The following ANKRD30A variants were observed in gnomAD, a reference collection of about 807,000 sequenced individuals.
The protein encoded by ANKRD30A is ankyrin repeat domain 30A, also known as ankyrin repeat domain-containing protein 30A.
A neutral mutation model predicts 166.3 loss-of-function variants in ANKRD30A; 170 were observed. The ratio of observed to expected loss-of-function variants is 1.02; its 90% confidence interval spans 0.90 to 1.16. The LOEUF (loss-of-function observed/expected upper bound fraction) is 1.16. Ranked by LOEUF, ANKRD30A falls within the 50% of genes most tolerant of loss-of-function variation. The pLI is 0.00. For synonymous variants in ANKRD30A, 564 were observed against 508.9 expected (o/e 1.11, Z -1.46); for missense variants, 1,630 against 1,518.0 (o/e 1.07, Z -1.23).
At position 37,152,137 on chromosome 10, in the gene ANKRD30A, G is replaced by T; in HGVS notation, c.1707+16G>T. 1.3e-6 allele frequency: 2 copies of T among 1,583,772 alleles called. No individual in the cohort carries two copies. The highest frequency in any genetic ancestry group is 1.7e-6 in the Non-Finnish European group (2 of 1,156,566). ...GGATTCTGAGGTACTATGTGTTATTGATTTTTTTTTAATATTAGTATTGCA... is the reference window on the plus strand; with the variant it reads ...GGATTCTGAGGTACTATGTGTTATTTATTTTTTTTTAATATTAGTATTGCA... On this transcript the variant is annotated intron_variant, in intron 12 of 35. Transcript: ENST00000361713.
intron 6 of ANKRD30A, among the ~76,000 whole-genome samples, chr10:37,137,573 T>C (rs1836799271): frequency 1.3e-5 from 2 of 152,104 alleles, no homozygotes; most frequent in African/African-American, 2.4e-5. Flanking sequence ...CACCAGGAGA[T>C]TATATCCCGA....
chr10:37,215,688 A>G (rs1223163899), intron 31 of ANKRD30A, among the ~76,000 whole-genome samples: 1 of 151,448 alleles, frequency 6.6e-6, no homozygotes, highest in Admixed American at 6.6e-5. Context: ...AAAATTGTTT[A>G]ATGTATTTTG....
intron 25 of ANKRD30A, 31 bp from the exon 26 acceptor site, chr10:37,193,033 C>T (rs537329005): frequency 6.2e-7 from 1 of 1,604,054 alleles, no homozygotes; most frequent in South Asian, 1.1e-5. Flanking sequence ...AGCTTGCATA[C>T]AATAAATTAT....
intron 13 of ANKRD30A, among the ~76,000 whole-genome samples, 156 bp from the exon 14 acceptor site, chr10:37,158,236 A>C (rs1158838376): frequency 6.6e-6 from 1 of 152,202 alleles, no homozygotes; most frequent in African/African-American, 2.4e-5. Context: ...CGTTGGCATG[A>C]TAACAAATAC....
At position 37,210,827 on chromosome 10, in the gene ANKRD30A, T is replaced by A. The variant is rs149385262; in HGVS notation, c.2870-5354T>A. 9.4e-3 allele frequency among the ~76,000 whole-genome samples: 1,426 copies of A among 152,292 alleles called. 31 individuals are homozygous for A. The highest frequency in any genetic ancestry group is 0.032 in the African/African-American group (1,348 of 41,576). ...TATGATGGGGTTGTTTGTTTTTTCC[T>A]TGTAAATTTGTTTAAGTTCTTGTAC... On this transcript the variant is annotated intron_variant, in intron 31 of 35. Coordinates refer to ENST00000361713, the MANE Select transcript of ANKRD30A (RefSeq NM_052997.3).
intron 31 of ANKRD30A, among the ~76,000 whole-genome samples, chr10:37,205,597 A>G (rs1000904152): frequency 5.9e-5 from 9 of 152,368 alleles, no homozygotes; most frequent in Admixed American, 3.3e-4. Flanking sequence ...TTAATGTATA[A>G]TAACAACAAA....
chr10:37,179,657 C>A (rs1437594722), intron 24 of ANKRD30A, among the ~76,000 whole-genome samples: 3 of 145,068 alleles, frequency 2.1e-5, no homozygotes, highest in African/African-American at 7.5e-5. Context: ...AACTGTGTGG[C>A]TTCTCAATGA....
At chr10:37,230,416 G>A (rs943500649) in intron 34 of ANKRD30A, among the ~76,000 whole-genome samples, 3 of 151,972 alleles carry the variant, frequency 2.0e-5, no homozygotes, top group African/African-American at 7.2e-5. Flanking sequence ...GAGAGTTTAT[G>A]TCTCTTCCGC....
the ANKRD30A span, among the ~76,000 whole-genome samples, chr10:37,258,751 C>A: frequency 6.6e-6 from 1 of 150,636 alleles, no homozygotes; most frequent in African/African-American, 2.4e-5. Context: ...ATCATGAGGT[C>A]AGGAGATTGA....
intron 29 of ANKRD30A, 33 bp downstream of exon 29, chr10:37,197,513 A>G (rs554348152): frequency 1.1e-5 from 18 of 1,611,114 alleles, no homozygotes; most frequent in East Asian, 6.7e-5. Flanking sequence ...GCGAAGACCA[A>G]TATTTCAATA....
At chr10:37,156,558 T>C (rs887752366) in intron 13 of ANKRD30A, among the ~76,000 whole-genome samples, 1 of 152,150 alleles carries the variant, frequency 6.6e-6, no homozygotes, top group African/African-American at 2.4e-5. Flanking sequence ...TCTCTGCGTG[T>C]TTTGCTTTTT....
intron 11 of ANKRD30A, among the ~76,000 whole-genome samples, chr10:37,150,670 A>G (rs1325577432): frequency 6.6e-6 from 1 of 152,114 alleles, no homozygotes; most frequent in Non-Finnish European, 1.5e-5. Flanking sequence ...TCCATAAAGG[A>G]CACAATTAAC....
the ANKRD30A span, among the ~76,000 whole-genome samples, chr10:37,253,160 A>G: frequency 2.6e-5 from 4 of 152,202 alleles, no homozygotes; most frequent in Admixed American, 2.6e-4. Context: ...AAATAATTTC[A>G]ACTTGTATCA....
intron 27 of ANKRD30A, among the ~76,000 whole-genome samples, chr10:37,196,637 T>C (rs928953913): frequency 6.6e-6 from 1 of 152,202 alleles, no homozygotes; most frequent in Non-Finnish European, 1.5e-5. Flanking sequence ...TAGAAATATG[T>C]CAATATTGAA....
chr10:37,202,062 A>T (rs1841659595), intron 31 of ANKRD30A, among the ~76,000 whole-genome samples: 1 of 152,104 alleles, frequency 6.6e-6, no homozygotes, highest in Non-Finnish European at 1.5e-5. Context: ...TTGTACCTTG[A>T]TCTGAGTAGC....
the ANKRD30A span, among the ~76,000 whole-genome samples, chr10:37,262,250 T>C: frequency 6.6e-6 from 1 of 152,180 alleles, no homozygotes; most frequent in Non-Finnish European, 1.5e-5. Flanking sequence ...AAAGTCTTTC[T>C]CTACTATTTA....
the ANKRD30A span, among the ~76,000 whole-genome samples, chr10:37,259,789 A>G: frequency 1.3e-5 from 2 of 152,222 alleles, no homozygotes; most frequent in Non-Finnish European, 2.9e-5. Flanking sequence ...ACAATAGGTG[A>G]TAGTAGCTAC....
intron 34 of ANKRD30A, among the ~76,000 whole-genome samples, chr10:37,220,424 A>T (rs1028355627): frequency 6.6e-6 from 1 of 150,974 alleles, no homozygotes; most frequent in Non-Finnish European, 1.5e-5. Context: ...ACTTTTTTTC[A>T]GTAGCTTTTT....
chr10:37,131,199 A>C (rs1315204650), intron 3 of ANKRD30A, among the ~76,000 whole-genome samples: 1 of 152,038 alleles, frequency 6.6e-6, no homozygotes, highest in Non-Finnish European at 1.5e-5. Flanking sequence ...TTAAAATTCA[A>C]GTGTTTTAGT....
Sources: gnomAD v4.1 joint callset for allele counts (sites outside exome capture counted in the v4.1 genomes callset) on GRCh38, gnomAD v4.1.1 for gene constraint, MANE v1.5 for transcripts, NCBI Gene and HGNC (gene_info 2026-07-23, HGNC 2026-07-21) for gene names.